The following NAV3 variants were observed in gnomAD, a reference collection of about 807,000 sequenced individuals.
The protein encoded by NAV3 is neuron navigator 3.
NAV3 carries 87 observed loss-of-function variants against 244.7 expected under a neutral mutation model. The ratio of observed to expected loss-of-function variants is 0.36; its 90% CI spans 0.30 to 0.42. NAV3 has a LOEUF of 0.42. Ranked by LOEUF, NAV3 falls within the 20% of genes least tolerant of loss-of-function variation. NAV3 has a pLI of 1.00. For missense variants in NAV3, 2,663 were observed against 2,893.3 expected (o/e 0.92, Z 1.83); for synonymous variants, 1,126 against 1,042.2 (o/e 1.08, Z -1.55).
chr12:77,696,218 T>C (rs1430539260), intron 2 of NAV3, among the ~76,000 whole-genome samples: 1 of 152,172 alleles, frequency 6.6e-6, no homozygotes, highest in Non-Finnish European at 1.5e-5. Flanking sequence ...TCCTAGTGAT[T>C]TGCTTATAAC....
rs1959039585 is a variant in NAV3 at position 78,192,735 on chromosome 12, C to A, written c.6291+2516C>A. Among the ~76,000 whole-genome samples, 4 of 152,122 alleles carry A rather than the reference C, an allele frequency of 2.6e-5. No homozygotes were observed. The South Asian group carries it at 8.3e-4, about 32-fold the overall frequency. The stretch of plus-strand genomic sequence containing the variant: ...CAGAAAGAAACTCTTGAACAAATCA[C>A]AATAGCATTCATTCCCAAGAAAACA... On this transcript the variant is annotated intron_variant, in intron 34 of 39. Transcript: ENST00000397909.
intron 2 of NAV3, among the ~76,000 whole-genome samples, chr12:77,761,675 A>G (rs1023934978): frequency 2.0e-5 from 3 of 152,214 alleles, no homozygotes; most frequent in African/African-American, 7.2e-5. Context: ...CATATGAAAA[A>G]AAGCTCATCA....
At chr12:77,956,566 A>G (rs1280775571) in intron 3 of NAV3, among the ~76,000 whole-genome samples, 1 of 152,170 alleles carries the variant, frequency 6.6e-6, no homozygotes, top group Non-Finnish European at 1.5e-5. Flanking sequence ...AGTGTTTTAA[A>G]TCCAAGGTCA....
intron 2 of NAV3, among the ~76,000 whole-genome samples, chr12:77,708,249 G>A (rs139469587): frequency 0.052 from 7,968 of 152,224 alleles, 473 homozygotes; most frequent in African/African-American, 0.15. Context: ...ATATAAGGAA[G>A]GGATCCAGTT....
At chr12:78,199,909 C>T (rs191493383) in intron 37 of NAV3, among the ~76,000 whole-genome samples, 46 of 152,170 alleles carry the variant, frequency 3.0e-4, no homozygotes, top group Admixed American at 2.4e-3. Flanking sequence ...ATAACTTAAA[C>T]GCTTTGTAGA....
chr12:78,150,582 T>C (rs1957036807), intron 22 of NAV3, among the ~76,000 whole-genome samples: 1 of 151,574 alleles, frequency 6.6e-6, no homozygotes, highest in Non-Finnish European at 1.5e-5. Flanking sequence ...CATTTTTCTA[T>C]TATATGCTAA....
intron 5 of NAV3, among the ~76,000 whole-genome samples, chr12:77,983,242 G>A (rs979211713): frequency 6.6e-6 from 1 of 152,166 alleles, no homozygotes. Context: ...AGAAAGATGT[G>A]CTTTGGGCAG....
At chr12:77,874,952 G>C (rs1881633461) in intron 1 of NAV3, among the ~76,000 whole-genome samples, 1 of 151,986 alleles carries the variant, frequency 6.6e-6, no homozygotes, top group South Asian at 2.1e-4. Flanking sequence ...ATGAAATAAA[G>C]TGGCACAACT....
At chr12:77,669,233 C>A (rs1592563156) in intron 2 of NAV3, among the ~76,000 whole-genome samples, 1 of 152,012 alleles carries the variant, frequency 6.6e-6, no homozygotes, top group South Asian at 2.1e-4. Flanking sequence ...CAAAATACAC[C>A]AAAATCGGAC....
chr12:77,719,675 A>G (rs1034228143), intron 2 of NAV3, among the ~76,000 whole-genome samples: 1 of 152,028 alleles, frequency 6.6e-6, no homozygotes, highest in Non-Finnish European at 1.5e-5. Context: ...TCCTTTTAAT[A>G]TGTTGTTAAA....
chr12:77,598,755 T>C (rs1730350533), intron 2 of NAV3, among the ~76,000 whole-genome samples: 1 of 152,128 alleles, frequency 6.6e-6, no homozygotes, highest in East Asian at 1.9e-4. Flanking sequence ...TTTGATTTTA[T>C]TTGTAAAAAT....
chr12:78,071,817 G>A (rs1002460844), intron 12 of NAV3, among the ~76,000 whole-genome samples: 3 of 152,100 alleles, frequency 2.0e-5, no homozygotes, highest in Non-Finnish European at 4.4e-5. Context: ...TAAAAGAACA[G>A]AAATTATAAC....
At chr12:77,970,033 A>T (rs745323553) in intron 5 of NAV3, among the ~76,000 whole-genome samples, 12 of 152,168 alleles carry the variant, frequency 7.9e-5, no homozygotes, top group Non-Finnish European at 1.6e-4. Flanking sequence ...ATCAAAATAA[A>T]TGATCACAGA....
intron 12 of NAV3, 120 bp from the exon 13 acceptor site, chr12:78,116,652 C>T (rs533102229): frequency 2.7e-6 from 3 of 1,129,904 alleles, no homozygotes; most frequent in African/African-American, 1.6e-5. Flanking sequence ...AGTGACTTTT[C>T]ATAAGATATT....
chr12:77,844,177 C>A (rs539343188), intron 1 of NAV3, among the ~76,000 whole-genome samples: 1 of 152,096 alleles, frequency 6.6e-6, no homozygotes, highest in Non-Finnish European at 1.5e-5. Flanking sequence ...ATCGAGGTGA[C>A]GGCAGGTTTG....
chr12:78,172,962 G>A (rs1958066205), intron 24 of NAV3, among the ~76,000 whole-genome samples: 1 of 151,622 alleles, frequency 6.6e-6, no homozygotes, highest in African/African-American at 2.4e-5. Flanking sequence ...AGATGAATAA[G>A]TCCAATAGCT....
intron 2 of NAV3, among the ~76,000 whole-genome samples, chr12:77,706,566 C>G (rs1415686564): frequency 6.6e-6 from 1 of 151,012 alleles, no homozygotes. Flanking sequence ...ATATGAGAGA[C>G]CCATAATTAA....
chr12:77,593,056 G>A (rs1592484523), intron 2 of NAV3, among the ~76,000 whole-genome samples: 2 of 152,118 alleles, frequency 1.3e-5, no homozygotes, highest in Admixed American at 6.5e-5. Flanking sequence ...GCTGTGCCAC[G>A]CAAACAACCC....
At chr12:77,775,406 A>G (rs1251339628) in intron 2 of NAV3, among the ~76,000 whole-genome samples, 1 of 151,544 alleles carries the variant, frequency 6.6e-6, no homozygotes, top group African/African-American at 2.4e-5. Flanking sequence ...AAAAAAAAAA[A>G]GAAAAAAGTG....
Sources: gnomAD v4.1 joint callset for allele counts (sites outside exome capture counted in the v4.1 genomes callset) on GRCh38, gnomAD v4.1.1 for gene constraint, MANE v1.5 for transcripts, NCBI Gene and HGNC (gene_info 2026-07-23, HGNC 2026-07-21) for gene names.